The following LRP1B variants were observed in gnomAD, a reference collection of about 807,000 sequenced individuals.
The protein encoded by LRP1B is low-density lipoprotein receptor-related protein 1B.
LRP1B carries 217 observed loss-of-function variants against 556.6 expected under a neutral mutation model. That is an observed-to-expected ratio of 0.39 (90% CI 0.35 to 0.44). The LOEUF is 0.44. LRP1B is among the 20% of genes least tolerant of loss of function. LRP1B has a pLI of 1.00. For missense variants in LRP1B, 5,053 were observed against 5,620.8 expected (o/e 0.90, Z 3.23); for synonymous variants, 2,047 against 1,865.8 (o/e 1.10, Z -2.50).
intron 2 of LRP1B, among the ~76,000 whole-genome samples, chr2:141,798,880 G>A (rs773401441): frequency 6.6e-6 from 1 of 151,826 alleles, no homozygotes; most frequent in South Asian, 2.1e-4. Context: ...GTAAAATGAG[G>A]TTTTATGGGT....
chr2:141,276,412 T>C (rs1685287136), intron 3 of LRP1B, among the ~76,000 whole-genome samples: 1 of 152,136 alleles, frequency 6.6e-6, no homozygotes, highest in African/African-American at 2.4e-5. Flanking sequence ...AAGCACAGTA[T>C]CTAACAGGTA....
chr2:140,987,952 C>A (rs1696976032), intron 17 of LRP1B, among the ~76,000 whole-genome samples: 1 of 151,938 alleles, frequency 6.6e-6, no homozygotes, highest in African/African-American at 2.4e-5. Flanking sequence ...CCACTGTACT[C>A]TAACTTGGGA....
chr2:141,145,346 C>T (rs1701754474), intron 7 of LRP1B, among the ~76,000 whole-genome samples: 1 of 151,866 alleles, frequency 6.6e-6, no homozygotes, highest in Non-Finnish European at 1.5e-5. Context: ...GTACACTGTA[C>T]ACTTCTCTGA....
intron 7 of LRP1B, among the ~76,000 whole-genome samples, chr2:141,091,526 C>T (rs1478080216): frequency 6.6e-6 from 1 of 152,144 alleles, no homozygotes; most frequent in African/African-American, 2.4e-5. Flanking sequence ...CTCCCACATT[C>T]CAAAGTTGTG....
At chr2:141,316,132 G>A (rs551789562) in intron 3 of LRP1B, among the ~76,000 whole-genome samples, 25 of 151,980 alleles carry the variant, frequency 1.6e-4, no homozygotes, top group African/African-American at 4.3e-4. Flanking sequence ...CTTGAACCCC[G>A]TGGAAAGCTA....
At chr2:140,988,948 T>C (rs1047376246) in intron 17 of LRP1B, among the ~76,000 whole-genome samples, 6 of 152,126 alleles carry the variant, frequency 3.9e-5, no homozygotes, top group African/African-American at 1.4e-4. Context: ...CACTCCATTG[T>C]AAACTATACC....
At chr2:141,691,574 G>A (rs951653858) in intron 2 of LRP1B, among the ~76,000 whole-genome samples, 2 of 150,318 alleles carry the variant, frequency 1.3e-5, no homozygotes, top group Non-Finnish European at 3.0e-5. Flanking sequence ...CTTTCAGTAT[G>A]TCAAAGCAAA....
At chr2:140,316,398 T>C (rs1285448988) in intron 82 of LRP1B, among the ~76,000 whole-genome samples, 1 of 152,142 alleles carries the variant, frequency 6.6e-6, no homozygotes, top group African/African-American at 2.4e-5. Flanking sequence ...GACACAATGA[T>C]TCAAGTATCA....
In LRP1B at chr2:140,457,634, G is replaced by T. The variant is rs375857535; in HGVS notation, c.9643C>A (p.Pro3215Thr). 4.2e-5 allele frequency: 67 copies of T among 1,612,972 alleles called. No individual in the cohort carries two copies. The highest frequency in any genetic ancestry group is 6.7e-5 in the Admixed American group (4 of 59,954). Residue 3215 changes from proline (P) to threonine (T), a missense_variant, in exon 61 of 91, where the codon CCA (proline) becomes ACA (threonine). Around this residue, in one of 5 missense-constraint regions of LRP1B, gnomAD observed 262 missense variants for 395.1 expected, o/e 0.66. Transcript: ENST00000389484. ...AACAATGTTAGTGCAATCACCCCTGGAATATCTTGATTAGGGACTGTAATA... is the reference window on the plus strand; with the variant it reads ...AACAATGTTAGTGCAATCACCCCTGTAATATCTTGATTAGGGACTGTAATA... Reference protein sequence around the residue: ...HRHKVPNQDIPGVIALTLFED... With the variant: ...HRHKVPNQDITGVIALTLFED...
chr2:141,827,582 T>C (rs1021916114), intron 1 of LRP1B, among the ~76,000 whole-genome samples: 1 of 152,036 alleles, frequency 6.6e-6, no homozygotes, highest in Non-Finnish European at 1.5e-5. Flanking sequence ...CTTCAACAGA[T>C]GGTGGAACAT....
At chr2:140,252,965 A>G (rs139718485) in intron 86 of LRP1B, among the ~76,000 whole-genome samples, 1 of 152,144 alleles carries the variant, frequency 6.6e-6, no homozygotes, top group African/African-American at 2.4e-5. Flanking sequence ...TTCATTTGGT[A>G]TTTTTCAATA....
chr2:140,361,284 A>G (rs1161919866), intron 72 of LRP1B, among the ~76,000 whole-genome samples: 1 of 140,950 alleles, frequency 7.1e-6, no homozygotes, highest in Non-Finnish European at 1.5e-5. Flanking sequence ...AGATGATCAT[A>G]CTACAAGGCC....
At chr2:141,029,238 T>C (rs1573997332) in intron 11 of LRP1B, among the ~76,000 whole-genome samples, 2 of 152,184 alleles carry the variant, frequency 1.3e-5, no homozygotes, top group East Asian at 3.9e-4. Flanking sequence ...AACTTAAAAG[T>C]CATTGCGTGG....
intron 83 of LRP1B, among the ~76,000 whole-genome samples, chr2:140,309,880 C>T (rs112107608): frequency 0.011 from 1,613 of 151,644 alleles, 34 homozygotes; most frequent in African/African-American, 0.037. Flanking sequence ...TCTCCAATTT[C>T]GTAATACTAC....
intron 55 of LRP1B, among the ~76,000 whole-genome samples, chr2:140,500,825 C>T (rs977890756): frequency 3.3e-5 from 5 of 151,850 alleles, no homozygotes; most frequent in African/African-American, 7.3e-5. Context: ...GCAGTACCCC[C>T]GGGCAGAACT....
In LRP1B at chr2:141,062,205, C is replaced by T. The variant is rs773016706; in HGVS notation, c.1082G>A (p.Arg361Gln). 10 of 1,611,582 alleles carry T rather than the reference C, an allele frequency of 6.2e-6. No individual in the cohort carries two copies. Among genetic ancestry groups the T allele is most frequent in the African/African-American group, 1.3e-5 (1 of 74,712 alleles). The change falls in exon 8 of 91, where the codon CGA (arginine) becomes CAA (glutamine). Residue 361 changes from arginine (R) to glutamine (Q), a missense_variant. Physicochemically the swap from Arg to Gln is conservative, Grantham distance 43. Transcript: ENST00000389484. ...TGTCTTTGAATCAATTATCCTTGTTCGGTTCATCCCATCCATGTCACATCT... is the reference window on the plus strand; with the variant it reads ...TGTCTTTGAATCAATTATCCTTGTTTGGTTCATCCCATCCATGTCACATCT... ...VERCDMDGMN[R>Q]TRIIDSKTEQ...
intron 12 of LRP1B, among the ~76,000 whole-genome samples, chr2:141,017,999 TAA>T (rs201347962): frequency 1.7e-4 from 20 of 116,976 alleles, no homozygotes; most frequent in Non-Finnish European, 1.3e-4. Flanking sequence ...AGATCCTGTC[TAA>T]AAAAAAAAAA....
intron 23 of LRP1B, among the ~76,000 whole-genome samples, chr2:140,901,845 T>C (rs1213847648): frequency 6.6e-6 from 1 of 152,160 alleles, no homozygotes; most frequent in Non-Finnish European, 1.5e-5. Context: ...TTCTAATTCC[T>C]TTTTGTCTTG....
At position 140,841,004 on chromosome 2, in the gene LRP1B, A is replaced by G. The variant is rs1193364450; in HGVS notation, c.5028T>C (p.Asn1676=). The change falls in exon 30 of 91, where the codon AAT becomes AAC. Residue 1676 remains asparagine (N), a synonymous_variant. Coordinates refer to ENST00000389484, the MANE Select transcript of LRP1B (RefSeq NM_018557.3). ...ISSEFDETQI[N]VARLDGSLKT... is the part of the protein sequence containing the mutation. ...TCAAAGAGCCATCTAGCCTTGCCAC[A>G]TTAATTTGCGTTTCATCAAATTCTG... The G allele has an allele frequency of 6.8e-6, 11 of 1,613,574 alleles. No homozygotes were observed. The East Asian group carries it at 2.5e-4, about 36-fold the overall frequency.
Sources: allele counts gnomAD v4.1 joint callset (sites outside exome capture counted in the v4.1 genomes callset), GRCh38; gene constraint gnomAD v4.1.1; regional missense constraint gnomAD v4.1.1; transcripts MANE v1.5; gene names NCBI Gene and HGNC (gene_info 2026-07-23, HGNC 2026-07-21).